The following ZNF41 variants were observed in gnomAD, a reference collection of about 807,000 sequenced individuals.
ZNF41 encodes zinc finger protein 41.
A neutral mutation model predicts 9.3 loss-of-function variants in ZNF41; 6 were observed. That is an observed-to-expected ratio of 0.65 (90% CI 0.35 to 1.28). The LOEUF is 1.28. ZNF41 is among the 50% of genes most tolerant of loss of function. The pLI is 0.03. For synonymous variants in ZNF41, 192 were observed against 207.1 expected (o/e 0.93, Z 0.63); for missense variants, 523 against 585.8 (o/e 0.89, Z 1.11).
chrX:47,450,712 T>C (rs1482519006), intron 4 of ZNF41, among the ~76,000 whole-genome samples: 1 of 111,844 alleles, frequency 8.9e-6, no homozygotes, highest in East Asian at 2.8e-4. Context: ...GCAGAAGTGA[T>C]ATATGCTACT....
At chrX:47,455,517 G>A (rs2056529480) in intron 4 of ZNF41, among the ~76,000 whole-genome samples, 3 of 109,544 alleles carry the variant, frequency 2.7e-5, no homozygotes, top group South Asian at 7.8e-4. Flanking sequence ...CCTGGGAGGT[G>A]GAGGTTGCAT....
chrX:47,470,188 C>T (rs923513548), intron 1 of ZNF41, among the ~76,000 whole-genome samples: 10 of 109,073 alleles, frequency 9.2e-5, no homozygotes, highest in African/African-American at 2.7e-4. Flanking sequence ...CCGAGGCAGG[C>T]GAATCACGAG....
chrX:47,453,238 C>T (rs2056431466), intron 4 of ZNF41, among the ~76,000 whole-genome samples: 1 of 111,693 alleles, frequency 9.0e-6, no homozygotes, highest in South Asian at 3.7e-4. Flanking sequence ...CTGAAACAGG[C>T]TCTTAATTCC....
At chrX:47,449,741 G>A (rs1393846808) in intron 4 of ZNF41, among the ~76,000 whole-genome samples, 2 of 112,177 alleles carry the variant, frequency 1.8e-5, no homozygotes, top group Non-Finnish European at 3.8e-5. Flanking sequence ...TAAACCCTAT[G>A]AGGTAGCTAC....
chrX:47,465,835 A>T (rs1415878552), intron 2 of ZNF41, among the ~76,000 whole-genome samples: 1 of 112,144 alleles, frequency 8.9e-6, no homozygotes, highest in African/African-American at 3.2e-5. Flanking sequence ...AATAAATAAA[A>T]TTAAAAAAAT....
chrX:47,471,360 A>G (rs1344984192), intron 1 of ZNF41, among the ~76,000 whole-genome samples: 1 of 109,400 alleles, frequency 9.1e-6, no homozygotes, highest in African/African-American at 3.3e-5. Flanking sequence ...GAGGCAGGAG[A>G]ATTGCTTGAA....
At chrX:47,458,598 T>C (rs2056657201) in intron 2 of ZNF41, among the ~76,000 whole-genome samples, 1 of 111,518 alleles carries the variant, frequency 9.0e-6, no homozygotes. Context: ...TTCTAAAATT[T>C]CTGTGGAAGT....
intron 1 of ZNF41, among the ~76,000 whole-genome samples, chrX:47,481,306 G>A (rs1329936097): frequency 9.0e-6 from 1 of 110,940 alleles, no homozygotes; most frequent in African/African-American, 3.3e-5. Context: ...AGCTGGGCAA[G>A]CCTGCCTGTA....
Position 47,447,445 on chromosome X carries a change from A to T in ZNF41, c.2325T>A (p.Tyr775Ter). ...GAAGACTTTCTCAGTCACTGGCTTT[A>T]TAGCGTTTTTCTCCACTATGCATTT... is the stretch of plus-strand genomic sequence containing the variant. ...HQKMHSGEKR[Y>*]KASD Residue 775 changes from tyrosine to a stop codon, truncating the protein, a stop_gained, in exon 5 of 5, where the codon TAT (tyrosine) becomes TAA (stop). Coordinates refer to ENST00000684689, the MANE Select transcript of ZNF41 (RefSeq NM_001324144.2). LOFTEE classifies it high-confidence loss of function. 2 of 1,211,187 alleles carry T rather than the reference A, an allele frequency of 1.7e-6. No homozygotes were observed. The highest frequency in any genetic ancestry group is 2.2e-6 in the Non-Finnish European group (2 of 895,509).
chrX:47,456,867 G>C (rs1470816074), intron 2 of ZNF41, among the ~76,000 whole-genome samples: 1 of 111,480 alleles, frequency 9.0e-6, no homozygotes, highest in African/African-American at 3.3e-5. Context: ...TATCTAGAAG[G>C]GAGAAGCATG....
Position 47,448,249 on chromosome X carries a change from C to T in ZNF41, c.1521G>A (p.Arg507=), listed in dbSNP as rs2056202867. Residue 507 remains arginine (R), a synonymous_variant, in exon 5 of 5, where the codon AGG becomes AGA. Transcript: ENST00000684689. ...TTTTCTGATGTGTGGTGAGGTTTGT[C>T]CTGTGAGTGAAGACCTTTCCACATT... ...CTECGKVFTH[R]TNLTTHQKTH... is the part of the protein sequence containing the mutation. The T allele has an allele frequency of 2.5e-6, 3 of 1,210,961 alleles. No homozygotes were observed. The highest frequency in any genetic ancestry group is 3.4e-6 in the Non-Finnish European group (3 of 895,309).
chrX:47,469,361 T>C lies in ZNF41; in HGVS notation c.-279-1601A>G, dbSNP rs1419858778. ...AAAAAAAGACAGACAATTTTAGATATAAAAGCATTTCTAGCATTTTATGCC... is the reference window on the plus strand; with the variant it reads ...AAAAAAAGACAGACAATTTTAGATACAAAAGCATTTCTAGCATTTTATGCC... On this transcript the variant is annotated intron_variant, in intron 1 of 4. Coordinates refer to ENST00000684689, the MANE Select transcript of ZNF41 (RefSeq NM_001324144.2). Among the ~76,000 whole-genome samples, 3 of 75,228 alleles carry C rather than the reference T, an allele frequency of 4.0e-5. No individual in the cohort carries two copies. In the East Asian group the frequency reaches 1.3e-3, roughly 33 times the overall value. 65.3% of individuals were successfully genotyped at this position (75,228 alleles called of 115,157 possible).
At chrX:47,462,976 C>T (rs2056866672) in intron 2 of ZNF41, among the ~76,000 whole-genome samples, 1 of 104,550 alleles carries the variant, frequency 9.6e-6, no homozygotes, top group Non-Finnish European at 2.0e-5. Context: ...CATATGTGTA[C>T]ACACACACAC....
chrX:47,462,290 G>A (rs1360194563), intron 2 of ZNF41, among the ~76,000 whole-genome samples: 3 of 111,043 alleles, frequency 2.7e-5, no homozygotes, highest in Admixed American at 9.6e-5. Context: ...GGCTTTCCCC[G>A]CTTCCCTTGC....
chrX:47,465,293 G>A (rs1360861724), intron 2 of ZNF41, among the ~76,000 whole-genome samples: 1 of 112,196 alleles, frequency 8.9e-6, no homozygotes, highest in Non-Finnish European at 1.9e-5. Context: ...GGGGGGATGG[G>A]GAGACATTGG....
At chrX:47,466,400 C>T (rs1291233259) in intron 2 of ZNF41, among the ~76,000 whole-genome samples, 3 of 110,925 alleles carry the variant, frequency 2.7e-5, no homozygotes, top group African/African-American at 9.8e-5. Flanking sequence ...GAGCTCTGAG[C>T]GGGAAACCTG....
chrX:47,481,279 C>T (rs2057465800), intron 1 of ZNF41, among the ~76,000 whole-genome samples: 1 of 109,997 alleles, frequency 9.1e-6, no homozygotes, highest in Non-Finnish European at 1.9e-5. Context: ...CCAATCTCTA[C>T]AAAAAATTTA....
rs561979439 is a variant in ZNF41 at position 47,462,370 on chromosome X, C to A, written c.72+5040G>T. ...CTCCCTTTGCTGGTCGTTGTTCCCT[C>A]TGACTTTTCCTTGGTCCCTCTGTTT... On this transcript the variant is annotated intron_variant, in intron 2 of 4. Transcript: ENST00000684689. Among the ~76,000 whole-genome samples, 59 of 110,708 alleles carry A rather than the reference C, an allele frequency of 5.3e-4. 1 individual carries two copies. The South Asian group carries it at 0.022, about 42-fold the overall frequency.
chrX:47,456,087 C>T lies in ZNF41; in HGVS notation c.200-71G>A, dbSNP rs572070724. 1.9e-5 allele frequency: 21 copies of T among 1,102,671 alleles called. No individual in the cohort carries two copies. In the South Asian group the frequency reaches 3.7e-4, roughly 19 times the overall value. 90.9% of individuals were successfully genotyped at this position (1,102,671 alleles called of 1,213,427 possible). A position where few individuals can be genotyped will look rare whatever the true frequency, so the allele number is the denominator to read the frequency against. On this transcript the variant is annotated intron_variant, in intron 3 of 4. Coordinates refer to ENST00000684689, the MANE Select transcript of ZNF41 (RefSeq NM_001324144.2). ...TCAGGGGCCTTTCAGTGACACTTTC[C>T]CTTTGCTTTTCAGAAAAGTAAACAC...
Sources: allele counts gnomAD v4.1 joint callset (sites outside exome capture counted in the v4.1 genomes callset), GRCh38; gene constraint gnomAD v4.1.1; transcripts MANE v1.5; gene names NCBI Gene and HGNC (gene_info 2026-07-23, HGNC 2026-07-21).